The following PARL variants were observed in gnomAD, a reference collection of about 807,000 sequenced individuals.
PARL encodes the protein presenilin associated rhomboid like.
In PARL, 44 loss-of-function variants were observed where a neutral mutation model predicts 51.6. The observed-to-expected ratio is 0.85, with a 90% confidence interval of 0.67 to 1.10. The LOEUF is 1.10. Among genes scored for constraint, PARL ranks in the 50% least tolerant of loss-of-function variants. PARL has a pLI of 0.00. For missense variants in PARL, 441 were observed against 469.5 expected (o/e 0.94, Z 0.56); for synonymous variants, 172 against 164.0 (o/e 1.05, Z -0.37).
intron 1 of PARL, among the ~76,000 whole-genome samples, chr3:183,872,140 T>TAC (rs1189452685): frequency 6.6e-6 from 1 of 152,106 alleles, no homozygotes; most frequent in African/African-American, 2.4e-5. Context: ...TAGCTCGGAT[T>TAC]ACAGGCATGT....
intron 7 of PARL, among the ~76,000 whole-genome samples, chr3:183,838,084 T>C (rs963221451): frequency 2.6e-5 from 4 of 151,358 alleles, no homozygotes; most frequent in African/African-American, 4.9e-5. Context: ...CACAGTGGCA[T>C]GCTCATGGCT....
At chr3:183,838,273 C>T (rs1728886919) in intron 7 of PARL, among the ~76,000 whole-genome samples, 1 of 152,184 alleles carries the variant, frequency 6.6e-6, no homozygotes, top group Non-Finnish European at 1.5e-5. Context: ...AGTGATCTTC[C>T]TGCCGTGGCT....
chr3:183,876,037 T>C (rs978879571), intron 1 of PARL, among the ~76,000 whole-genome samples: 2 of 152,108 alleles, frequency 1.3e-5, no homozygotes, highest in African/African-American at 4.8e-5. Context: ...TTATGGAATA[T>C]TTTTTATTTG....
At chr3:183,837,001 A>G (rs1728681492) in intron 7 of PARL, among the ~76,000 whole-genome samples, 1 of 152,190 alleles carries the variant, frequency 6.6e-6, no homozygotes, top group Admixed American at 6.5e-5. Flanking sequence ...TCGGCCTCCC[A>G]AAGTGCTGGG....
intron 1 of PARL, among the ~76,000 whole-genome samples, chr3:183,871,800 C>A (rs1733248926): frequency 6.6e-6 from 1 of 152,042 alleles, no homozygotes; most frequent in African/African-American, 2.4e-5. Context: ...GATAGTCACA[C>A]AGGTGTATAC....
chr3:183,853,436 C>G (rs903935016), intron 4 of PARL, among the ~76,000 whole-genome samples: 1 of 152,022 alleles, frequency 6.6e-6, no homozygotes, highest in Non-Finnish European at 1.5e-5. Flanking sequence ...TGGTGGCACA[C>G]GCCTGTAATC....
At chr3:183,837,820 A>C (rs1314038286) in intron 7 of PARL, among the ~76,000 whole-genome samples, 1 of 152,176 alleles carries the variant, frequency 6.6e-6, no homozygotes, top group Non-Finnish European at 1.5e-5. Flanking sequence ...TTGAATAAGA[A>C]AAGACAATTG....
At chr3:183,841,308 T>A (rs1014379790) in intron 6 of PARL, among the ~76,000 whole-genome samples, 6 of 152,234 alleles carry the variant, frequency 3.9e-5, no homozygotes, top group African/African-American at 1.2e-4. Context: ...GAAAGAACTA[T>A]ACACTTATCT....
rs566140302 is a variant in PARL at position 183,869,138 on chromosome 3, T to C, written c.126-1078A>G. On this transcript the variant is annotated intron_variant, in intron 1 of 9. Transcript: ENST00000317096. ...TCTTGAAACAGTCTTCTTTTTCTTT[T>C]GTAAAACTGTAACTTTCCCAGGTCA... Among the ~76,000 whole-genome samples, 6 of 152,352 alleles carry C rather than the reference T, an allele frequency of 3.9e-5. 1 individual carries two copies. The East Asian group carries it at 1.2e-3, about 29-fold the overall frequency.
intron 1 of PARL, among the ~76,000 whole-genome samples, chr3:183,869,379 T>C (rs1732903375): frequency 1.3e-5 from 2 of 152,076 alleles, no homozygotes; most frequent in Admixed American, 1.3e-4. Context: ...GGCTAATTTT[T>C]GTATTTTTAG....
chr3:183,841,968 G>T (rs181424872), intron 6 of PARL, among the ~76,000 whole-genome samples: 2 of 152,146 alleles, frequency 1.3e-5, no homozygotes, highest in Non-Finnish European at 2.9e-5. Context: ...CTATAAAATG[G>T]AGGGCCTAAA....
chr3:183,850,667 C>T (rs1045139430), intron 4 of PARL, among the ~76,000 whole-genome samples: 2 of 152,056 alleles, frequency 1.3e-5, no homozygotes, highest in African/African-American at 2.4e-5. Context: ...CTATCACCTC[C>T]GTATCAAAAC....
chr3:183,865,613 C>G (rs536961500), intron 3 of PARL, among the ~76,000 whole-genome samples: 19 of 152,254 alleles, frequency 1.2e-4, no homozygotes, highest in African/African-American at 4.3e-4. Context: ...AATCTAATGC[C>G]TGATGATCTG....
intron 5 of PARL, chr3:183,843,246 G>A (rs1005076480): frequency 1.0e-6 from 1 of 985,266 alleles, no homozygotes; most frequent in Middle Eastern, 5.2e-4. Context: ...TACTTAGTAA[G>A]CAACCAATAA....
At chr3:183,836,215 C>A (rs1728560346) in intron 7 of PARL, among the ~76,000 whole-genome samples, 1 of 41,992 alleles carries the variant, frequency 2.4e-5, no homozygotes, top group Non-Finnish European at 4.0e-5. Context: ...GAAACTCCAT[C>A]TCAAAAAAAA....
chr3:183,843,307 G>GA (rs989630381), intron 5 of PARL: 1 of 985,082 alleles, frequency 1.0e-6, no homozygotes, highest in African/African-American at 1.7e-5. Flanking sequence ...AAGTTGATTA[G>GA]AAAAAAATAA....
intron 9 of PARL, among the ~76,000 whole-genome samples, chr3:183,831,928 C>A (rs1727987212): frequency 6.6e-6 from 1 of 152,046 alleles, no homozygotes; most frequent in South Asian, 2.1e-4. Context: ...CAATTATTTT[C>A]AGAATGGAAA....
intron 4 of PARL, among the ~76,000 whole-genome samples, chr3:183,861,701 T>C (rs1731847821): frequency 6.6e-6 from 1 of 152,210 alleles, no homozygotes; most frequent in South Asian, 2.1e-4. Flanking sequence ...TTAAGTCTAA[T>C]CAAATTTGAG....
intron 9 of PARL, among the ~76,000 whole-genome samples, chr3:183,831,164 C>T (rs551986860): frequency 2.0e-5 from 3 of 152,172 alleles, no homozygotes; most frequent in South Asian, 2.1e-4. Flanking sequence ...TTAGTAGAGA[C>T]GAGGTTTCCC....
Sources: gnomAD v4.1 joint callset for allele counts (sites outside exome capture counted in the v4.1 genomes callset) on GRCh38, gnomAD v4.1.1 for gene constraint, MANE v1.5 for transcripts, NCBI Gene and HGNC (gene_info 2026-07-23, HGNC 2026-07-21) for gene names.